Variants in SLC29A3 observed in about 807,000 individuals in gnomAD.
The protein encoded by SLC29A3 is equilibrative nucleoside transporter 3.
A neutral mutation model predicts 25.4 loss-of-function variants in SLC29A3; 18 were observed. The ratio of observed to expected loss-of-function variants is 0.71; its 90% confidence interval spans 0.49 to 1.05. The LOEUF is 1.05. SLC29A3 is among the 50% of genes least tolerant of loss of function. The pLI is 0.00. For synonymous variants in SLC29A3, 258 were observed against 267.1 expected, an observed-to-expected ratio of 0.97 and a Z score of 0.33; for missense variants, 586 against 609.0, an observed-to-expected ratio of 0.96 and a Z score of 0.40.
intron 1 of SLC29A3, 24 bp from the exon 2 acceptor site, chr10:71,322,732 C>T: frequency 6.2e-7 from 1 of 1,613,884 alleles, no homozygotes; most frequent in Non-Finnish European, 8.5e-7. Context: ...TACCCTGTCT[C>T]TGTTGCCCTC....
Position 71,339,861 on chromosome 10 carries a change from C to G in SLC29A3, c.301-4348C>G, listed in dbSNP as rs73280023. On this transcript the variant is annotated intron_variant, in intron 2 of 5. Coordinates refer to ENST00000373189, the MANE Select transcript of SLC29A3 (RefSeq NM_018344.6). ...ACCCCCCAGAGCCCCTCCTTCCATG[C>G]CCCCCAACACTTTGTATCTGTTGTA... is the stretch of plus-strand genomic sequence containing the variant. Among the ~76,000 whole-genome samples, 1,360 of 152,196 alleles carry G rather than the reference C, an allele frequency of 8.9e-3. 20 individuals are homozygous for G. The highest frequency in any genetic ancestry group is 0.03 in the African/African-American group (1,257 of 41,524).
chr10:71,360,236 C>T (rs1203925096), intron 5 of SLC29A3, among the ~76,000 whole-genome samples: 5 of 145,916 alleles, frequency 3.4e-5, no homozygotes, highest in East Asian at 4.1e-4. Context: ...GTCCATCTCC[C>T]GAGTTTAGGT....
chr10:71,362,513 C>G lies in SLC29A3; in HGVS notation c.1333C>G (p.Leu445Val), dbSNP rs760925460. ...CGGGCCTAAGATTGTGCCCAGGGAG[C>G]TGGCTGAGGCCACGGGAGTGGTGAT... Reference protein sequence around the residue: ...LYGPKIVPRELAEATGVVMSF... With the variant: ...LYGPKIVPREVAEATGVVMSF... Residue 445 changes from leucine (L) to valine (V), a missense_variant, in exon 6 of 6, where the codon CTG (leucine) becomes GTG (valine). Leu to Val is a conservative substitution (Grantham distance 32). Transcript: ENST00000373189. 6.2e-7 allele frequency: 1 copy of G among 1,614,208 alleles called. No individual in the cohort carries two copies. The highest frequency in any genetic ancestry group is 2.2e-5 in the East Asian group (1 of 44,884).
chr10:71,349,922 G>C (rs2131836956), intron 3 of SLC29A3, among the ~76,000 whole-genome samples: 1 of 152,302 alleles, frequency 6.6e-6, no homozygotes, highest in East Asian at 1.9e-4. Context: ...TGATGCCCTG[G>C]GGCCTCCTGA....
chr10:71,349,023 A>T (rs1846674074), intron 3 of SLC29A3, among the ~76,000 whole-genome samples: 1 of 152,128 alleles, frequency 6.6e-6, no homozygotes, highest in Admixed American at 6.5e-5. Context: ...TTATGTACCA[A>T]CTTCCCTAGT....
chr10:71,375,973 C>T (rs1345466099), intron 4 of SLC29A3, among the ~76,000 whole-genome samples: 7 of 152,104 alleles, frequency 4.6e-5, no homozygotes, highest in South Asian at 2.1e-4. Flanking sequence ...TTTTCAGAAG[C>T]GAAGAGCGTC....
Position 71,362,492 on chromosome 10 carries a change from C to A in SLC29A3, c.1312C>A (p.Pro438Thr). ...YLSTLALLYG[P>T]KIVPRELAEA... ...CAGCACCCTGGCCCTCCTCTACGGG[C>A]CTAAGATTGTGCCCAGGGAGCTGGC... The change falls in exon 6 of 6, where the codon CCT (proline) becomes ACT (threonine). Residue 438 changes from proline (P) to threonine (T), a missense_variant. Pro to Thr is a conservative substitution (Grantham distance 38). Transcript: ENST00000373189. 9 of 1,614,204 alleles carry A rather than the reference C, an allele frequency of 5.6e-6. No homozygotes were observed. Among genetic ancestry groups the A allele is most frequent in the Non-Finnish European group, 6.8e-6 (8 of 1,180,050 alleles).
intron 5 of SLC29A3, among the ~76,000 whole-genome samples, chr10:71,356,469 G>A (rs1363601431): frequency 1.3e-5 from 2 of 152,210 alleles, no homozygotes; most frequent in Non-Finnish European, 1.5e-5. Flanking sequence ...TCACACTGGT[G>A]AAACACAACC....
chr10:71,329,043 A>G (rs962697393), intron 2 of SLC29A3, among the ~76,000 whole-genome samples: 1 of 152,166 alleles, frequency 6.6e-6, no homozygotes, highest in Non-Finnish European at 1.5e-5. Flanking sequence ...AGAGGTTACC[A>G]AGTCCCTGCC....
intron 2 of SLC29A3, among the ~76,000 whole-genome samples, chr10:71,343,900 A>G (rs554770007): frequency 2.6e-5 from 4 of 152,340 alleles, no homozygotes; most frequent in Non-Finnish European, 5.9e-5. Context: ...CCATGGCCTC[A>G]GTCCATGGGC....
At chr10:71,374,950 G>A (rs566395102) in intron 3 of SLC29A3, among the ~76,000 whole-genome samples, 25 of 152,288 alleles carry the variant, frequency 1.6e-4, no homozygotes, top group Non-Finnish European at 1.6e-4. Context: ...GGTCCTGGGA[G>A]GATGCAGCAG....
intron 2 of SLC29A3, among the ~76,000 whole-genome samples, chr10:71,340,358 C>A (rs1403017215): frequency 6.6e-6 from 1 of 152,220 alleles, no homozygotes; most frequent in East Asian, 1.9e-4. Flanking sequence ...AGGTCTGGTG[C>A]CCCTGGAGTT....
At chr10:71,375,843 A>G (rs1195684278) in intron 4 of SLC29A3, 1 of 152,208 alleles carries the variant, frequency 6.6e-6, no homozygotes, top group Non-Finnish European at 1.5e-5. Flanking sequence ...TAGGACCCCC[A>G]TTAACAAGAG....
At chr10:71,340,109 G>T (rs1564531900) in intron 2 of SLC29A3, among the ~76,000 whole-genome samples, 1 of 152,218 alleles carries the variant, frequency 6.6e-6, no homozygotes, top group Non-Finnish European at 1.5e-5. Flanking sequence ...AGGGTCTCCT[G>T]CCCAGGGCCC....
chr10:71,354,150 T>G (rs922327633), intron 4 of SLC29A3, among the ~76,000 whole-genome samples: 1 of 152,116 alleles, frequency 6.6e-6, no homozygotes, highest in African/African-American at 2.4e-5. Context: ...TCAGAAAGGA[T>G]TTGTTTGGTA....
intron 2 of SLC29A3, among the ~76,000 whole-genome samples, chr10:71,331,697 C>A (rs183002050): frequency 2.6e-5 from 4 of 152,296 alleles, no homozygotes; most frequent in East Asian, 3.9e-4. Flanking sequence ...AGCTGTGCAA[C>A]CTGTAGTTTG....
At chr10:71,345,276 G>A (rs921163593) in intron 3 of SLC29A3, among the ~76,000 whole-genome samples, 2 of 152,208 alleles carry the variant, frequency 1.3e-5, no homozygotes, top group Non-Finnish European at 2.9e-5. Flanking sequence ...CATGTTCTGG[G>A]GGTTATCGAG....
chr10:71,330,035 G>T (rs1846083310), intron 2 of SLC29A3, among the ~76,000 whole-genome samples: 1 of 152,220 alleles, frequency 6.6e-6, no homozygotes, highest in Admixed American at 6.5e-5. Flanking sequence ...GGTGGTTGGA[G>T]GGTTCGGTGC....
At chr10:71,370,479 G>A (rs1040830996) in intron 3 of SLC29A3, among the ~76,000 whole-genome samples, 1 of 152,164 alleles carries the variant, frequency 6.6e-6, no homozygotes, top group African/African-American at 2.4e-5. Flanking sequence ...GAGGCCCAAG[G>A]AGATTGAACG....
Sources: allele counts gnomAD v4.1 joint callset (sites outside exome capture counted in the v4.1 genomes callset), GRCh38; gene constraint gnomAD v4.1.1; transcripts MANE v1.5; gene names NCBI Gene and HGNC (gene_info 2026-07-23, HGNC 2026-07-21).